ALDH1A2: variants seen among roughly 807,000 people sequenced by gnomAD.
ALDH1A2 encodes retinal dehydrogenase 2.
ALDH1A2 carries 27 observed loss-of-function variants against 60.3 expected under a neutral mutation model. The ratio of observed to expected loss-of-function variants is 0.45; its 90% CI spans 0.33 to 0.62. The LOEUF (loss-of-function observed/expected upper bound fraction) is 0.62. Ranked by LOEUF, ALDH1A2 falls within the 20% of genes least tolerant of loss-of-function variation. The probability of loss-of-function intolerance (pLI) is 0.02; values close to 1 mark genes in which losing one functional copy is unlikely to be tolerated. For synonymous variants in ALDH1A2, 289 were observed against 232.4 expected, an observed-to-expected ratio of 1.24 and a Z score of -2.21; for missense variants, 581 against 643.8, an observed-to-expected ratio of 0.90 and a Z score of 1.06.
chr15:58,027,805 G>A (rs1296153800), intron 1 of ALDH1A2, among the ~76,000 whole-genome samples: 2 of 152,020 alleles, frequency 1.3e-5, no homozygotes, highest in African/African-American at 4.8e-5. Flanking sequence ...ATCAGTGATT[G>A]AAGATCAAAT....
At chr15:58,054,093 C>G (rs1483550835) in intron 1 of ALDH1A2, among the ~76,000 whole-genome samples, 1 of 152,084 alleles carries the variant, frequency 6.6e-6, no homozygotes, top group African/African-American at 2.4e-5. Flanking sequence ...AGGCCAACAG[C>G]TGGGAGAGCC....
chr15:58,025,106 TTATC>T (rs1896043511), intron 1 of ALDH1A2, among the ~76,000 whole-genome samples: 1 of 152,006 alleles, frequency 6.6e-6, no homozygotes, highest in African/African-American at 2.4e-5. Context: ...TTAATAATCT[TTATC>T]AATGTACCTT....
intron 1 of ALDH1A2, among the ~76,000 whole-genome samples, chr15:58,034,433 AT>A (rs1190781034): frequency 2.6e-5 from 4 of 151,540 alleles, no homozygotes; most frequent in African/African-American, 9.7e-5. Flanking sequence ...GAAAAAAGAC[AT>A]TTTTCCTTCC....
At chr15:58,026,515 G>T (rs1205594304) in intron 1 of ALDH1A2, among the ~76,000 whole-genome samples, 1 of 152,192 alleles carries the variant, frequency 6.6e-6, no homozygotes, top group Non-Finnish European at 1.5e-5. Flanking sequence ...ACTGGGACTG[G>T]TTCGACAGTG....
chr15:58,058,441 CTTT>C lies in ALDH1A2; in HGVS notation c.117+7090_117+7092del, dbSNP rs536892318. On this transcript the variant is annotated intron_variant, in intron 1 of 12. Coordinates refer to ENST00000249750, the MANE Select transcript of ALDH1A2 (RefSeq NM_003888.4). ...CTATACCACTTTCTGACTGTTTAAT[CTTT>C]AAGGAATCACTAGAAATGATATTCA... Among the ~76,000 whole-genome samples the C allele has an allele frequency of 1.9e-3, 245 of 129,562 alleles. 1 individual carries two copies. The highest frequency in any genetic ancestry group is 0.014 in the Admixed American group (157 of 11,534). The allele number at this position is 129,562 out of a possible 152,430, so 85.0% of individuals were successfully genotyped here. A position where few individuals can be genotyped will look rare whatever the true frequency, so the allele number is the denominator to read the frequency against.
chr15:57,970,188 G>A (rs1267531931), intron 7 of ALDH1A2, among the ~76,000 whole-genome samples: 2 of 152,228 alleles, frequency 1.3e-5, no homozygotes, highest in African/African-American at 4.8e-5. Flanking sequence ...TGCACTGAAT[G>A]ATGGAAAAAC....
intron 7 of ALDH1A2, 51 bp downstream of exon 7, chr15:57,992,654 T>TCAA (rs1371762170): frequency 6.5e-7 from 1 of 1,542,530 alleles, no homozygotes. Flanking sequence ...TTGTAACCCC[T>TCAA]CAACTCATTT....
chr15:58,016,245 G>A (rs1371992615), intron 1 of ALDH1A2, among the ~76,000 whole-genome samples: 4 of 151,464 alleles, frequency 2.6e-5, no homozygotes, highest in Admixed American at 2.0e-4. Context: ...CGGGGTTCAA[G>A]TGATTCTGCT....
In ALDH1A2 at chr15:58,065,700, T is replaced by C; in HGVS notation, c.-50A>G. On this transcript the variant is annotated 5_prime_UTR_variant, in exon 1 of 13. Coordinates refer to ENST00000249750, the MANE Select transcript of ALDH1A2 (RefSeq NM_003888.4). ...CCGCGGCGTGGGGCAGTGCGGGCTG[T>C]GCGCGCGGTCCGCGGCCCGGGGGCG... 2 of 1,336,078 alleles carry C rather than the reference T, an allele frequency of 1.5e-6. No individual in the cohort carries two copies. 82.8% of individuals were successfully genotyped at this position (1,336,078 alleles called of 1,614,324 possible).
chr15:58,021,802 C>T (rs1475266390), intron 1 of ALDH1A2, among the ~76,000 whole-genome samples: 2 of 152,234 alleles, frequency 1.3e-5, no homozygotes, highest in Non-Finnish European at 1.5e-5. Flanking sequence ...GCCAGTGAGA[C>T]ATGAGCTGAA....
At chr15:57,999,072 G>A (rs1172792938) in intron 4 of ALDH1A2, among the ~76,000 whole-genome samples, 2 of 151,848 alleles carry the variant, frequency 1.3e-5, no homozygotes, top group Admixed American at 6.6e-5. Flanking sequence ...AAAGACTTAA[G>A]TGCAAAACCC....
intron 9 of ALDH1A2, among the ~76,000 whole-genome samples, 192 bp from the exon 10 acceptor site, chr15:57,962,368 T>C (rs796236551): frequency 6.6e-5 from 10 of 152,338 alleles, no homozygotes; most frequent in African/African-American, 2.4e-4. Context: ...TTAATCCTAA[T>C]ATATCGACGA....
At chr15:58,052,581 G>A (rs1896803784) in intron 1 of ALDH1A2, among the ~76,000 whole-genome samples, 3 of 151,936 alleles carry the variant, frequency 2.0e-5, no homozygotes, top group South Asian at 4.1e-4. Flanking sequence ...TTTAAGTGGC[G>A]TACCCAGTAT....
At chr15:57,997,704 A>G (rs1216652320) in intron 4 of ALDH1A2, among the ~76,000 whole-genome samples, 2 of 151,992 alleles carry the variant, frequency 1.3e-5, no homozygotes, top group Non-Finnish European at 2.9e-5. Flanking sequence ...GAAAATGTAG[A>G]CAAAAATCTT....
intron 3 of ALDH1A2, among the ~76,000 whole-genome samples, chr15:58,011,071 C>T (rs1895619627): frequency 6.6e-6 from 1 of 152,086 alleles, no homozygotes; most frequent in Non-Finnish European, 1.5e-5. Context: ...TTCTGCTTGT[C>T]AAAACAGCTT....
intron 1 of ALDH1A2, among the ~76,000 whole-genome samples, chr15:58,048,217 A>C (rs1267228415): frequency 6.6e-6 from 1 of 152,114 alleles, no homozygotes; most frequent in Non-Finnish European, 1.5e-5. Flanking sequence ...GCTTTAAAAT[A>C]CTAATAGAAA....
intron 3 of ALDH1A2, 112 bp downstream of exon 3, chr15:58,013,746 C>G: frequency 7.1e-7 from 1 of 1,398,844 alleles, no homozygotes; most frequent in Non-Finnish European, 9.5e-7. Flanking sequence ...AGCTAGACTC[C>G]GTCTCAAAAA....
At chr15:58,053,199 G>C (rs1015113787) in intron 1 of ALDH1A2, among the ~76,000 whole-genome samples, 1 of 152,044 alleles carries the variant, frequency 6.6e-6, no homozygotes, top group Non-Finnish European at 1.5e-5. Flanking sequence ...AATAAAGTTC[G>C]AAATAAACCT....
chr15:57,955,347 G>C, intron 12 of ALDH1A2, 78 bp from the exon 13 acceptor site: 1 of 1,486,314 alleles, frequency 6.7e-7, no homozygotes, highest in Non-Finnish European at 9.4e-7. Flanking sequence ...GTCCTGGGGA[G>C]GTGCAGTTTA....
Sources: allele counts gnomAD v4.1 joint callset (sites outside exome capture counted in the v4.1 genomes callset), GRCh38; gene constraint gnomAD v4.1.1; transcripts MANE v1.5; gene names NCBI Gene and HGNC (gene_info 2026-07-23, HGNC 2026-07-21).